SACM1L: variants seen among roughly 807,000 people sequenced by gnomAD.
The protein encoded by SACM1L is SAC1 like phosphatidylinositide phosphatase.
A neutral mutation model predicts 89.5 loss-of-function variants in SACM1L; 32 were observed. That is an observed-to-expected ratio of 0.36 (90% confidence interval 0.27 to 0.48). The LOEUF is 0.48. Among genes scored for constraint, SACM1L ranks in the 20% least tolerant of loss-of-function variants. The pLI is 0.99. For missense variants in SACM1L, 543 were observed against 708.5 expected (o/e 0.77, Z 2.65); for synonymous variants, 213 against 232.8 (o/e 0.92, Z 0.77).
At chr3:45,689,647 C>A in intron 1 of SACM1L, 150 bp downstream of exon 1, 1 of 933,928 alleles carries the variant, frequency 1.1e-6, no homozygotes, top group Non-Finnish European at 1.6e-6. Context: ...CGCGGCCTCT[C>A]CTAGGCCTCG....
At chr3:45,709,838 T>C (rs927005954) in intron 5 of SACM1L, among the ~76,000 whole-genome samples, 191 bp downstream of exon 5, 1 of 152,222 alleles carries the variant, frequency 6.6e-6, no homozygotes, top group African/African-American at 2.4e-5. Context: ...TCTGTGTATA[T>C]ATACAGCCAG....
chr3:45,705,329 C>A, intron 3 of SACM1L, 120 bp downstream of exon 3: 1 of 514,642 alleles, frequency 1.9e-6, no homozygotes, highest in Non-Finnish European at 3.5e-6. Flanking sequence ...CAGTAAATCT[C>A]TTGGTTAAGT....
At chr3:45,735,890 A>G (rs1463993101) in intron 14 of SACM1L, among the ~76,000 whole-genome samples, 1 of 152,210 alleles carries the variant, frequency 6.6e-6, no homozygotes, top group Non-Finnish European at 1.5e-5. Flanking sequence ...TCCTTGAGAA[A>G]GTGTCTGGCT....
chr3:45,696,704 T>C (rs1026411036), intron 1 of SACM1L, among the ~76,000 whole-genome samples: 3 of 152,082 alleles, frequency 2.0e-5, no homozygotes, highest in African/African-American at 7.2e-5. Context: ...GGTTGGTAAG[T>C]AGTAATGTTT....
chr3:45,690,624 A>G (rs1697956638), intron 1 of SACM1L, among the ~76,000 whole-genome samples: 2 of 152,208 alleles, frequency 1.3e-5, no homozygotes, highest in Admixed American at 6.5e-5. Context: ...TATGTGTTGC[A>G]AAAAAGATGA....
In SACM1L at chr3:45,744,987, C is replaced by T. The variant is rs1197643561; in HGVS notation, c.*1318C>T. On this transcript the variant is annotated 3_prime_UTR_variant, in exon 20 of 20. Coordinates refer to ENST00000389061, the MANE Select transcript of SACM1L (RefSeq NM_014016.5). ...TATTTCAGCATTACCTTTTTTTCAT[C>T]ACTATCTTTTATAAAACATTAATAT... 1 of 151,908 alleles carries T rather than the reference C, an allele frequency of 6.6e-6. No homozygotes were observed. The highest frequency in any genetic ancestry group is 2.4e-5 in the African/African-American group (1 of 41,358). 9.4% of individuals were successfully genotyped at this position (151,908 alleles called of 1,614,324 possible).
At chr3:45,717,587 C>A (rs1009083130) in intron 7 of SACM1L, among the ~76,000 whole-genome samples, 5 of 152,100 alleles carry the variant, frequency 3.3e-5, no homozygotes, top group African/African-American at 7.2e-5. Context: ...TGCTGTTATA[C>A]TTTATAATGG....
rs368458946 is a variant in SACM1L at position 45,722,020 on chromosome 3, G to A, written c.700G>A (p.Ala234Thr). 83 of 1,611,654 alleles carry A rather than the reference G, an allele frequency of 5.1e-5. 1 individual carries two copies. Among genetic ancestry groups the A allele is most frequent in the Non-Finnish European group, 6.6e-5 (78 of 1,178,568 alleles). ...TTTAGGAATTGATTCGGAAGGCCAT[G>A]CAGCTAACTTTGTAGAAACAGAACA... ...YVRGIDSEGH[A>T]ANFVETEQIV... The change falls in exon 9 of 20, where the codon GCA becomes ACA. Residue 234 changes from alanine (A) to threonine (T), a missense_variant. Physicochemically the swap from Ala to Thr is moderately conservative, Grantham distance 58. This residue lies in a region of SACM1L where 370 missense variants were observed against 527.6 expected (regional missense o/e 0.70). Coordinates refer to ENST00000389061, the MANE Select transcript of SACM1L (RefSeq NM_014016.5).
intron 2 of SACM1L, among the ~76,000 whole-genome samples, chr3:45,704,720 A>G (rs1698346122): frequency 4.6e-5 from 7 of 152,192 alleles, no homozygotes; most frequent in Admixed American, 3.9e-4. Context: ...GCTAAAGGTC[A>G]TGAATAGTTT....
At chr3:45,689,742 AG>A in intron 1 of SACM1L, 1 of 593,718 alleles carries the variant, frequency 1.7e-6, no homozygotes, top group Non-Finnish European at 3.0e-6. Flanking sequence ...TGAAGAGAGA[AG>A]CTGCCGACTG....
At chr3:45,722,712 C>CT (rs1240929269) in intron 9 of SACM1L, among the ~76,000 whole-genome samples, 157 bp from the exon 10 acceptor site, 1 of 152,136 alleles carries the variant, frequency 6.6e-6, no homozygotes, top group Non-Finnish European at 1.5e-5. Flanking sequence ...AAAATATGAA[C>CT]TTTAGGAGCA....
chr3:45,732,024 C>T (rs901073110), intron 12 of SACM1L, 29 bp from the exon 13 acceptor site: 28 of 1,295,128 alleles, frequency 2.2e-5, no homozygotes, highest in East Asian at 7.1e-5. Flanking sequence ...GATCTCTGGT[C>T]GGTTTCTGAA....
At chr3:45,738,535 CAG>C (rs1318004381) in intron 16 of SACM1L, 41 bp from the exon 17 acceptor site, 5 of 1,149,392 alleles carry the variant, frequency 4.4e-6, no homozygotes, top group Non-Finnish European at 5.2e-6. Context: ...TGTGAGAATT[CAG>C]TGTACAAACC....
intron 16 of SACM1L, among the ~76,000 whole-genome samples, 190 bp downstream of exon 16, chr3:45,738,034 C>A (rs1699240849): frequency 6.6e-6 from 1 of 152,154 alleles, no homozygotes; most frequent in Admixed American, 6.5e-5. Context: ...TTCTTAGCCA[C>A]CCTGGGAGAT....
intron 11 of SACM1L, 53 bp downstream of exon 11, chr3:45,723,596 C>A: frequency 1.0e-6 from 1 of 985,626 alleles, no homozygotes; most frequent in Non-Finnish European, 1.4e-6. Flanking sequence ...TTTTTCTTGA[C>A]AGAAAATTTA....
intron 18 of SACM1L, 119 bp downstream of exon 18, chr3:45,738,992 A>C: frequency 1.5e-6 from 1 of 649,782 alleles, no homozygotes; most frequent in South Asian, 2.1e-5. Flanking sequence ...ATGAAATATA[A>C]ATACTTAAGT....
At chr3:45,724,903 A>G (rs920553752) in intron 11 of SACM1L, among the ~76,000 whole-genome samples, 1 of 152,168 alleles carries the variant, frequency 6.6e-6, no homozygotes, top group African/African-American at 2.4e-5. Flanking sequence ...ATTCTTTTGC[A>G]TATGGCTATC....
chr3:45,733,821 C>T (rs1699133319), intron 13 of SACM1L, among the ~76,000 whole-genome samples: 1 of 152,176 alleles, frequency 6.6e-6, no homozygotes. Context: ...GATGAAAAAG[C>T]TTACTATTTA....
At position 45,743,768 on chromosome 3, in the gene SACM1L, A is replaced by G; in HGVS notation, c.*99A>G. ...TCCACATCAGCCCAAGGTCTTTTTA[A>G]TGCCTTTATCCAAAAGCACATCTTG... On this transcript the variant is annotated 3_prime_UTR_variant, in exon 20 of 20. Coordinates refer to ENST00000389061, the MANE Select transcript of SACM1L (RefSeq NM_014016.5). 1 of 1,313,374 alleles carries G rather than the reference A, an allele frequency of 7.6e-7. No homozygotes were observed. The highest frequency in any genetic ancestry group is 1.0e-6 in the Non-Finnish European group (1 of 962,256). The allele number at this position is 1,313,374 out of a possible 1,614,324, so 81.4% of individuals were successfully genotyped here.
Sources: allele counts gnomAD v4.1 joint callset (sites outside exome capture counted in the v4.1 genomes callset), GRCh38; gene constraint gnomAD v4.1.1; regional missense constraint gnomAD v4.1.1; transcripts MANE v1.5; gene names NCBI Gene and HGNC (gene_info 2026-07-23, HGNC 2026-07-21).